CCDC174: variants seen among roughly 807,000 people sequenced by gnomAD.
CCDC174 encodes coiled-coil domain containing 174.
In CCDC174, 37 loss-of-function variants were observed where a neutral mutation model predicts 57.1. That is an observed-to-expected ratio of 0.65 (90% CI 0.50 to 0.85). The LOEUF (loss-of-function observed/expected upper bound fraction) is 0.85. Ranked by LOEUF, CCDC174 falls within the 40% of genes least tolerant of loss-of-function variation. The pLI is 0.00. For synonymous variants in CCDC174, 182 were observed against 190.2 expected (o/e 0.96, Z 0.35); for missense variants, 540 against 574.3 (o/e 0.94, Z 0.61).
At chr3:14,651,992 C>G in intron 1 of CCDC174, 114 bp downstream of exon 1, 2 of 1,029,196 alleles carry the variant, frequency 1.9e-6, no homozygotes, top group Non-Finnish European at 3.0e-6. Flanking sequence ...CTGACCTCTC[C>G]CCTCAAACAG....
chr3:14,664,388 A>G (rs1170546978), intron 5 of CCDC174, among the ~76,000 whole-genome samples: 1 of 152,108 alleles, frequency 6.6e-6, no homozygotes, highest in Non-Finnish European at 1.5e-5. Flanking sequence ...ATCTGTCCGT[A>G]TTTTCCATTG....
In CCDC174 at chr3:14,658,347, C is replaced by T. The variant is rs559559297; in HGVS notation, c.249-524C>T. Among the ~76,000 whole-genome samples the T allele has an allele frequency of 3.3e-5, 5 of 152,328 alleles. 1 individual carries two copies. In the South Asian group the frequency reaches 6.2e-4, roughly 19 times the overall value. On this transcript the variant is annotated intron_variant, in intron 3 of 10. Transcript: ENST00000383794. ...AAGAGTGGTCATTCACAAGAGAACT[C>T]GCAGATCATCCACAAGAGAACTCTT...
Position 14,652,018 on chromosome 3 carries a change from A to G in CCDC174, c.42+140A>G, listed in dbSNP as rs1040879374. 5 of 841,400 alleles carry G rather than the reference A, an allele frequency of 5.9e-6. No individual in the cohort carries two copies. The Admixed American group carries it at 1.1e-4, about 18-fold the overall frequency. 52.1% of individuals were successfully genotyped at this position (841,400 alleles called of 1,614,324 possible). A position where few individuals can be genotyped will look rare whatever the true frequency, so the allele number is the denominator to read the frequency against. Reference sequence around the variant, plus strand: ...CCTCAAACAGGAACCCCCGAACTGGATTTTCTTCTCCGGCGGGGATCCGGT... The same window carrying G: ...CCTCAAACAGGAACCCCCGAACTGGGTTTTCTTCTCCGGCGGGGATCCGGT... On this transcript the variant is annotated intron_variant, in intron 1 of 10. Transcript: ENST00000383794.
intron 1 of CCDC174, among the ~76,000 whole-genome samples, chr3:14,652,615 G>A (rs1331954515): frequency 6.6e-6 from 1 of 152,160 alleles, no homozygotes; most frequent in Admixed American, 6.5e-5. Flanking sequence ...AGAAATCTTA[G>A]TGATAGCCGG....
chr3:14,655,048 T>G (rs2030903573), intron 2 of CCDC174, among the ~76,000 whole-genome samples: 1 of 152,208 alleles, frequency 6.6e-6, no homozygotes, highest in Admixed American at 6.5e-5. Context: ...TGGGCGTGGT[T>G]CCCACGCCTC....
intron 10 of CCDC174, among the ~76,000 whole-genome samples, chr3:14,670,624 A>G (rs563427482): frequency 4.6e-4 from 70 of 152,346 alleles, no homozygotes; most frequent in African/African-American, 1.6e-3. Flanking sequence ...TGAAATACCT[A>G]CAATGTCATG....
intron 1 of CCDC174, among the ~76,000 whole-genome samples, chr3:14,653,060 G>T (rs1377159584): frequency 2.0e-5 from 3 of 152,158 alleles, no homozygotes; most frequent in Admixed American, 2.0e-4. Flanking sequence ...AAAGTGAGTA[G>T]GAAGGAAAAC....
At position 14,651,821 on chromosome 3, in the gene CCDC174, A is replaced by T; in HGVS notation, c.-16A>T. On this transcript the variant is annotated 5_prime_UTR_variant, in exon 1 of 11. Coordinates refer to ENST00000383794, the MANE Select transcript of CCDC174 (RefSeq NM_016474.5). ...TAGAAAGGGTCCTTCCTGGACCGGG[A>T]CCCTCTGCCACGACCATGGACCGTA... The T allele has an allele frequency of 6.2e-7, 1 of 1,613,972 alleles. No homozygotes were observed.
At position 14,661,568 on chromosome 3, in the gene CCDC174, CA is replaced by C; in HGVS notation, c.347del (p.Gln116ArgfsTer4). 1 of 1,613,954 alleles carries C rather than the reference CA, an allele frequency of 6.2e-7. No homozygotes were observed. The highest frequency in any genetic ancestry group is 1.3e-5 in the African/African-American group (1 of 75,018). ...VEDMYLVDFTQKIIDKRKEME... is the reference protein window; with the variant it reads ...VEDMYLVDFTXKIIDKRKEME... Reference sequence around the variant, plus strand: ...GGATATGTACCTTGTGGATTTCACACAGAAGATCATAGACAAGCGCAAAGAA... The same window carrying C: ...GGATATGTACCTTGTGGATTTCACACGAAGATCATAGACAAGCGCAAAGAA... On this transcript the variant is annotated frameshift_variant, in exon 5 of 11. Transcript: ENST00000383794. LOFTEE classifies it high-confidence loss of function.
chr3:14,666,516 G>A (rs1261768984), intron 6 of CCDC174, among the ~76,000 whole-genome samples: 2 of 151,800 alleles, frequency 1.3e-5, no homozygotes, highest in East Asian at 1.9e-4. Flanking sequence ...CCAGCTACTC[G>A]GGAGGCTGAG....
At chr3:14,660,028 C>T (rs140757101) in intron 4 of CCDC174, among the ~76,000 whole-genome samples, 2 of 152,164 alleles carry the variant, frequency 1.3e-5, no homozygotes, top group Non-Finnish European at 2.9e-5. Flanking sequence ...GGCACTTTCC[C>T]TGTATAGCAG....
rs1027085363 is a variant in CCDC174, at chr3:14,657,076, T to C, written c.248+1447T>C. 1.3e-5 allele frequency among the ~76,000 whole-genome samples: 2 copies of C among 152,224 alleles called. 1 individual carries two copies. Among genetic ancestry groups the C allele is most frequent in the Non-Finnish European group, 2.9e-5 (2 of 68,040 alleles). Reference sequence around the variant, plus strand: ...AGACATTTCCCACTCTTGGACATATTCTCAGAATTTTAATTTTGTCCAAAG... The same window carrying C: ...AGACATTTCCCACTCTTGGACATATCCTCAGAATTTTAATTTTGTCCAAAG... On this transcript the variant is annotated intron_variant, in intron 3 of 10. Coordinates refer to ENST00000383794, the MANE Select transcript of CCDC174 (RefSeq NM_016474.5).
At position 14,655,612 on chromosome 3, in the gene CCDC174, G is replaced by A. The variant is rs777907513; in HGVS notation, c.231G>A (p.Lys77=). ...KDAEQKIEEQ[K]TLDKAREKLE... ...CTGAACAGAAGATTGAAGAACAGAA[G>A]ACTTTAGACAAAGCAAGGTAAAGTT... The change falls in exon 3 of 11, where the codon AAG becomes AAA. Residue 77 remains lysine, a synonymous_variant. Transcript: ENST00000383794. 2.9e-5 allele frequency: 46 copies of A among 1,607,560 alleles called. No individual in the cohort carries two copies. Among genetic ancestry groups the A allele is most frequent in the Non-Finnish European group, 3.8e-5 (45 of 1,176,092 alleles).
At chr3:14,652,850 C>T (rs752329435) in intron 1 of CCDC174, among the ~76,000 whole-genome samples, 2 of 144,478 alleles carry the variant, frequency 1.4e-5, no homozygotes, top group Non-Finnish European at 3.0e-5. Flanking sequence ...TGCGGTGAGC[C>T]GAGATCGCGC....
rs757500280 is a variant in CCDC174 at position 14,670,005 on chromosome 3, A to T, written c.1024A>T (p.Ser342Cys). The part of the protein sequence containing the change: ...VPTPRPAAQS[S>C]KVEVIVQERK... Reference sequence around the variant, plus strand: ...AACCCCACGTCCTGCTGCCCAGAGTAGCAAAGTAGAAGTCATTGTCCAGGA... The same window carrying T: ...AACCCCACGTCCTGCTGCCCAGAGTTGCAAAGTAGAAGTCATTGTCCAGGA... The change falls in exon 10 of 11, where the codon AGC (serine) becomes TGC (cysteine). Residue 342 changes from serine to cysteine, a missense_variant. Coordinates refer to ENST00000383794, the MANE Select transcript of CCDC174 (RefSeq NM_016474.5). The T allele has an allele frequency of 6.2e-7, 1 of 1,612,326 alleles. No homozygotes were observed. Among genetic ancestry groups the T allele is most frequent in the Non-Finnish European group, 8.5e-7 (1 of 1,179,592 alleles).
In CCDC174 at chr3:14,655,581, A is replaced by G; in HGVS notation, c.200A>G (p.Lys67Arg). Reference protein sequence around the residue: ...QNVGVSNRAEKDAEQKIEEQK... With the variant: ...QNVGVSNRAERDAEQKIEEQK... Reference sequence around the variant, plus strand: ...GTAGGCGTTTCAAATCGAGCTGAGAAGGATGCTGAACAGAAGATTGAAGAA... The same window carrying G: ...GTAGGCGTTTCAAATCGAGCTGAGAGGGATGCTGAACAGAAGATTGAAGAA... Residue 67 changes from lysine to arginine, a missense_variant, in exon 3 of 11, where the codon AAG becomes AGG. Transcript: ENST00000383794. 1 of 1,610,922 alleles carries G rather than the reference A, an allele frequency of 6.2e-7. No individual in the cohort carries two copies. The highest frequency in any genetic ancestry group is 1.1e-5 in the South Asian group (1 of 90,710).
chr3:14,655,436 A>G, intron 2 of CCDC174, 93 bp from the exon 3 acceptor site: 2 of 738,974 alleles, frequency 2.7e-6, no homozygotes, highest in Non-Finnish European at 4.6e-6. Flanking sequence ...ATAAGAACTC[A>G]TGATCTCCTT....
chr3:14,666,352 G>A (rs2124846014), intron 6 of CCDC174, among the ~76,000 whole-genome samples: 1 of 152,322 alleles, frequency 6.6e-6, no homozygotes, highest in South Asian at 2.1e-4. Context: ...GCCGGGCGCA[G>A]TGGCTCATGC....
chr3:14,660,333 A>G (rs1449618612), intron 4 of CCDC174, among the ~76,000 whole-genome samples: 1 of 152,144 alleles, frequency 6.6e-6, no homozygotes, highest in Non-Finnish European at 1.5e-5. Context: ...GCGAAACTCC[A>G]TCTCTACTAA....
Sources: allele counts gnomAD v4.1 joint callset (sites outside exome capture counted in the v4.1 genomes callset), GRCh38; gene constraint gnomAD v4.1.1; transcripts MANE v1.5; gene names NCBI Gene and HGNC (gene_info 2026-07-23, HGNC 2026-07-21).